The following SLC9A9 variants were observed in gnomAD, a reference collection of about 807,000 sequenced individuals.
The protein encoded by SLC9A9 is solute carrier family 9 member A9, also known as sodium/hydrogen exchanger 9.
A neutral mutation model predicts 77.8 loss-of-function variants in SLC9A9; 62 were observed. The observed-to-expected ratio is 0.80, with a 90% CI of 0.65 to 0.98. SLC9A9 has a LOEUF of 0.98. Among genes scored for constraint, SLC9A9 ranks in the 50% least tolerant of loss-of-function variants. The pLI, the probability that SLC9A9 is intolerant of heterozygous loss-of-function variation, is 0.00. For synonymous variants in SLC9A9, 320 were observed against 283.5 expected (o/e 1.13, Z -1.29); for missense variants, 775 against 774.9 (o/e 1.00, Z 0.00).
intron 12 of SLC9A9, among the ~76,000 whole-genome samples, chr3:143,384,160 A>T (rs1022535552): frequency 1.6e-4 from 23 of 146,148 alleles, no homozygotes; most frequent in African/African-American, 5.3e-4. Context: ...GAGGGAAAGG[A>T]TGTCAGTGAG....
intron 12 of SLC9A9, among the ~76,000 whole-genome samples, chr3:143,383,822 T>C (rs1311618545): frequency 6.6e-6 from 1 of 152,164 alleles, no homozygotes; most frequent in Non-Finnish European, 1.5e-5. Flanking sequence ...TATCTCCCAG[T>C]CCTGCTGTTG....
At chr3:143,361,962 T>C (rs2032766790) in intron 14 of SLC9A9, among the ~76,000 whole-genome samples, 1 of 152,244 alleles carries the variant, frequency 6.6e-6, no homozygotes, top group Admixed American at 6.5e-5. Flanking sequence ...GTGTTCTTTC[T>C]GTACATCTCA....
intron 12 of SLC9A9, among the ~76,000 whole-genome samples, chr3:143,425,264 CTTTTTTTTTTTT>C (rs200568656): frequency 1.0e-5 from 1 of 98,576 alleles, no homozygotes; most frequent in African/African-American, 4.1e-5. Context: ...TGAGGCTTAG[CTTTTTTTTTTTT>C]TTTTTTTTTT....
intron 14 of SLC9A9, among the ~76,000 whole-genome samples, chr3:143,324,252 A>G (rs1416479544): frequency 6.6e-6 from 1 of 152,170 alleles, no homozygotes; most frequent in Non-Finnish European, 1.5e-5. Context: ...TTCCCCAGGC[A>G]GTGGGTGAGC....
At chr3:143,448,585 C>T (rs1212678862) in intron 12 of SLC9A9, among the ~76,000 whole-genome samples, 1 of 151,792 alleles carries the variant, frequency 6.6e-6, no homozygotes, top group Non-Finnish European at 1.5e-5. Flanking sequence ...GATTACATTG[C>T]TGGTGTTTAA....
chr3:143,510,566 CAAATTT>C (rs1013824401), intron 9 of SLC9A9, among the ~76,000 whole-genome samples: 33 of 152,086 alleles, frequency 2.2e-4, no homozygotes, highest in African/African-American at 7.7e-4. Context: ...GAAAAATTTT[CAAATTT>C]AATTTTTTCA....
At position 143,774,624 on chromosome 3, in the gene SLC9A9, C is replaced by T. The variant is rs534673787; in HGVS notation, c.533+20377G>A. ...AGTAGCCTGGAAGTGTTAGCTCTTA[C>T]GTTATTATGTGTATCATATACTATA... On this transcript the variant is annotated intron_variant, in intron 4 of 15. Coordinates refer to ENST00000316549, the MANE Select transcript of SLC9A9 (RefSeq NM_173653.4). Among the ~76,000 whole-genome samples the T allele has an allele frequency of 3.3e-5, 5 of 152,160 alleles. No individual in the cohort carries two copies. In the East Asian group the frequency reaches 9.7e-4, roughly 29 times the overall value.
At chr3:143,288,744 C>T in intron 14 of SLC9A9, among the ~76,000 whole-genome samples, 1 of 152,138 alleles carries the variant, frequency 6.6e-6, no homozygotes, top group East Asian at 1.9e-4. Flanking sequence ...AATGTGGTCA[C>T]TTTAATTTCT....
intron 14 of SLC9A9, among the ~76,000 whole-genome samples, chr3:143,340,116 C>T (rs1050041682): frequency 2.6e-5 from 4 of 152,166 alleles, no homozygotes; most frequent in Non-Finnish European, 4.4e-5. Flanking sequence ...TATTATACCA[C>T]GCTTCATCTC....
chr3:143,527,785 C>T (rs1298607134), intron 9 of SLC9A9, among the ~76,000 whole-genome samples: 1 of 152,114 alleles, frequency 6.6e-6, no homozygotes. Flanking sequence ...TGGGGCACAA[C>T]CAAAGGGCTA....
chr3:143,793,081 T>TG (rs1203028060), intron 4 of SLC9A9, among the ~76,000 whole-genome samples: 1 of 152,200 alleles, frequency 6.6e-6, no homozygotes, highest in Non-Finnish European at 1.5e-5. Flanking sequence ...CGTTCTAAAA[T>TG]TTTTCTTAGG....
intron 6 of SLC9A9, among the ~76,000 whole-genome samples, chr3:143,638,771 T>A: frequency 6.6e-6 from 1 of 152,208 alleles, no homozygotes. Context: ...CACCCTCTAT[T>A]GCTGAACAGC....
intron 14 of SLC9A9, among the ~76,000 whole-genome samples, chr3:143,348,078 A>G (rs922929288): frequency 6.7e-6 from 1 of 149,770 alleles, no homozygotes; most frequent in Admixed American, 6.7e-5. Flanking sequence ...CAGTGGTACG[A>G]TCTCCGCTCA....
intron 14 of SLC9A9, among the ~76,000 whole-genome samples, chr3:143,275,895 C>T (rs1043525949): frequency 6.6e-6 from 1 of 152,154 alleles, no homozygotes; most frequent in Admixed American, 6.5e-5. Flanking sequence ...AATTCATTTT[C>T]CTAAGAGAAT....
At chr3:143,495,310 C>G in intron 10 of SLC9A9, 25 bp downstream of exon 10, 1 of 1,528,992 alleles carries the variant, frequency 6.5e-7, no homozygotes, top group Non-Finnish European at 9.1e-7. Flanking sequence ...TCTAATCACC[C>G]CATGTTCTGT....
chr3:143,321,821 G>A (rs1414932563), intron 14 of SLC9A9, among the ~76,000 whole-genome samples: 1 of 152,204 alleles, frequency 6.6e-6, no homozygotes, highest in Non-Finnish European at 1.5e-5. Flanking sequence ...ATTCACTCTA[G>A]AGTAGTGATT....
At chr3:143,491,073 G>A (rs1441959122) in intron 11 of SLC9A9, among the ~76,000 whole-genome samples, 1 of 152,150 alleles carries the variant, frequency 6.6e-6, no homozygotes, top group Non-Finnish European at 1.5e-5. Context: ...AGATGATTGT[G>A]CCCTTGAGTT....
intron 8 of SLC9A9, 114 bp downstream of exon 8, chr3:143,573,974 A>T: frequency 1.2e-6 from 1 of 854,330 alleles, no homozygotes; most frequent in Non-Finnish European, 1.9e-6. Flanking sequence ...AACCATTCAC[A>T]TGCACTATTT....
Position 143,366,705 on chromosome 3 carries a change from T to C in SLC9A9, c.1525-3142A>G, listed in dbSNP as rs115960655. ...ACTTCAGATTCTTATAATTATTTGATGAAGTGTGGTCTATTATTATTCCTA... is the reference window on the plus strand; with the variant it reads ...ACTTCAGATTCTTATAATTATTTGACGAAGTGTGGTCTATTATTATTCCTA... On this transcript the variant is annotated intron_variant, in intron 13 of 15. Coordinates refer to ENST00000316549, the MANE Select transcript of SLC9A9 (RefSeq NM_173653.4). Among the ~76,000 whole-genome samples, 671 of 152,328 alleles carry C rather than the reference T, an allele frequency of 4.4e-3. 4 individuals carry two copies. The highest frequency in any genetic ancestry group is 0.01 in the Middle Eastern group (3 of 294).
Sources: gnomAD v4.1 joint callset for allele counts (sites outside exome capture counted in the v4.1 genomes callset) on GRCh38, gnomAD v4.1.1 for gene constraint, MANE v1.5 for transcripts, NCBI Gene and HGNC (gene_info 2026-07-23, HGNC 2026-07-21) for gene names.